SPTLC2: variants seen among roughly 807,000 people sequenced by gnomAD.
The protein encoded by SPTLC2 is serine palmitoyltransferase 2.
SPTLC2 carries 21 observed loss-of-function variants against 62.0 expected under a neutral mutation model. The ratio of observed to expected loss-of-function variants is 0.34; its 90% CI spans 0.24 to 0.49. SPTLC2 has a LOEUF of 0.49. Ranked by LOEUF, SPTLC2 falls within the 20% of genes least tolerant of loss-of-function variation. SPTLC2 has a pLI of 0.99. For synonymous variants in SPTLC2, 261 were observed against 261.8 expected (o/e 1.00, Z 0.03); for missense variants, 511 against 713.0 (o/e 0.72, Z 3.23).
intron 11 of SPTLC2, among the ~76,000 whole-genome samples, chr14:77,513,713 T>C (rs1222341928): frequency 6.6e-6 from 1 of 151,814 alleles, no homozygotes; most frequent in Non-Finnish European, 1.5e-5. Flanking sequence ...CTGACCAACA[T>C]GGAGAAACCC....
chr14:77,539,349 C>G (rs755822044), intron 9 of SPTLC2, among the ~76,000 whole-genome samples: 1 of 151,750 alleles, frequency 6.6e-6, no homozygotes, highest in South Asian at 2.1e-4. Context: ...AAGGCCCACT[C>G]AGACACCAAA....
In SPTLC2 at chr14:77,555,169, GGTATTATGA is replaced by G. The variant is rs536972509; in HGVS notation, c.1176+122_1176+130del. 247 of 914,772 alleles carry G rather than the reference GGTATTATGA, an allele frequency of 2.7e-4. No individual in the cohort carries two copies. In the African/African-American group the frequency reaches 3.6e-3, roughly 13 times the overall value. The allele number at this position is 914,772 out of a possible 1,614,324, so 56.7% of individuals were successfully genotyped here. The stretch of plus-strand genomic sequence containing the variant: ...TGAGGAGACATTAGAGTCACTCACT[GGTATTATGA>G]GCCTAAACCAGAGGCAAATTTGCGG... On this transcript the variant is annotated intron_variant, in intron 8 of 11. Transcript: ENST00000216484.
chr14:77,542,054 C>A (rs1336573149), intron 9 of SPTLC2, among the ~76,000 whole-genome samples: 2 of 138,654 alleles, frequency 1.4e-5, no homozygotes, highest in African/African-American at 5.7e-5. Context: ...GAGACAGACT[C>A]TGTGTCCGGA....
At chr14:77,612,110 C>A (rs1228466329) in intron 1 of SPTLC2, among the ~76,000 whole-genome samples, 2 of 152,136 alleles carry the variant, frequency 1.3e-5, no homozygotes, top group Non-Finnish European at 2.9e-5. Flanking sequence ...TTTGAGTCCA[C>A]AAACCATTTA....
rs2079318801 is a variant in SPTLC2, at chr14:77,508,893, T to A, written c.*3391A>T. 1 of 152,184 alleles carries A rather than the reference T, an allele frequency of 6.6e-6. No homozygotes were observed. The highest frequency in any genetic ancestry group is 2.4e-5 in the African/African-American group (1 of 41,442). The allele number at this position is 152,184 out of a possible 1,614,324, so 9.4% of individuals were successfully genotyped here. On this transcript the variant is annotated 3_prime_UTR_variant, in exon 12 of 12. Transcript: ENST00000216484. ...AAGCCCAGCACCACCATATATTGGT[T>A]TTCTCTAGAGTTGGAATTTTAAAAA...
chr14:77,549,237 A>AAC (rs2079544124), intron 9 of SPTLC2, among the ~76,000 whole-genome samples: 2 of 151,662 alleles, frequency 1.3e-5, no homozygotes, highest in South Asian at 4.2e-4. Flanking sequence ...CAAAAAAAAA[A>AAC]AAACCAGCCA....
intron 2 of SPTLC2, among the ~76,000 whole-genome samples, chr14:77,592,745 CT>C (rs747093694): frequency 2.0e-4 from 30 of 152,118 alleles, no homozygotes; most frequent in Non-Finnish European, 3.5e-4. Context: ...AATCCTCTCC[CT>C]CTTCCTACCC....
At chr14:77,552,872 T>G (rs2079563184) in intron 8 of SPTLC2, among the ~76,000 whole-genome samples, 2 of 151,940 alleles carry the variant, frequency 1.3e-5, no homozygotes, top group African/African-American at 4.8e-5. Flanking sequence ...GTGTTTGGAT[T>G]GCTTTTTAGA....
chr14:77,570,235 A>AG (rs1258810476), intron 5 of SPTLC2, 149 bp downstream of exon 5: 3 of 1,156,448 alleles, frequency 2.6e-6, no homozygotes, highest in Admixed American at 2.4e-5. Flanking sequence ...AAAAAAAAAA[A>AG]AAAAAGAAAA....
At chr14:77,613,864 T>TA (rs1355119801) in intron 1 of SPTLC2, among the ~76,000 whole-genome samples, 3 of 152,180 alleles carry the variant, frequency 2.0e-5, no homozygotes, top group Non-Finnish European at 4.4e-5. Flanking sequence ...AAACAACTTT[T>TA]AAAAAATGTT....
At chr14:77,597,161 G>A (rs1401742109) in intron 2 of SPTLC2, 25 bp downstream of exon 2, 3 of 1,609,700 alleles carry the variant, frequency 1.9e-6, no homozygotes, top group South Asian at 1.1e-5. Flanking sequence ...TCTATTTACA[G>A]AATCAAAAAC....
At chr14:77,548,523 TAA>T (rs1246790311) in intron 9 of SPTLC2, among the ~76,000 whole-genome samples, 2 of 152,224 alleles carry the variant, frequency 1.3e-5, no homozygotes, top group Non-Finnish European at 2.9e-5. Context: ...ATGTGTAAAG[TAA>T]AAGTTAGAAT....
chr14:77,585,817 G>A (rs1179738617), intron 2 of SPTLC2, among the ~76,000 whole-genome samples: 1 of 152,154 alleles, frequency 6.6e-6, no homozygotes, highest in Admixed American at 6.5e-5. Flanking sequence ...ACTTTTAAAT[G>A]CCATACTTAT....
intron 2 of SPTLC2, among the ~76,000 whole-genome samples, chr14:77,583,391 C>T (rs10135955): frequency 0.39 from 58,657 of 151,782 alleles, 11,494 homozygotes; most frequent in Non-Finnish European, 0.42. Context: ...ACTTTAAACA[C>T]TCTAAGACCA....
rs1459828742 is a variant in SPTLC2 at position 77,541,989 on chromosome 14, G to A, written c.1303+10107C>T. On this transcript the variant is annotated intron_variant, in intron 9 of 11. Transcript: ENST00000216484. ...TGAGAATGGTTTGAACCTGGGAAGC[G>A]GAGGTTGCAGTGAGCCAAGATTGTG... Among the ~76,000 whole-genome samples, 9 of 151,818 alleles carry A rather than the reference G, an allele frequency of 5.9e-5. No homozygotes were observed. In the East Asian group the frequency reaches 9.7e-4, roughly 16 times the overall value.
intron 9 of SPTLC2, among the ~76,000 whole-genome samples, chr14:77,541,479 ACT>A (rs112683589): frequency 0.028 from 4,310 of 152,240 alleles, 220 homozygotes; most frequent in African/African-American, 0.098. Flanking sequence ...AAATGCAAGG[ACT>A]CTGTGCACAC....
intron 11 of SPTLC2, among the ~76,000 whole-genome samples, chr14:77,512,682 A>G (rs184809831): frequency 1.3e-5 from 2 of 152,236 alleles, no homozygotes; most frequent in Admixed American, 1.3e-4. Flanking sequence ...AGTTATATGC[A>G]CTCTGAACTT....
chr14:77,510,748 A>T lies in SPTLC2; in HGVS notation c.*1536T>A, dbSNP rs2139988062. 1 of 152,460 alleles carries T rather than the reference A, an allele frequency of 6.6e-6. No individual in the cohort carries two copies. The allele number at this position is 152,460 out of a possible 1,614,324, so 9.4% of individuals were successfully genotyped here. A position where few individuals can be genotyped will look rare whatever the true frequency, so the allele number is the denominator to read the frequency against. On this transcript the variant is annotated 3_prime_UTR_variant, in exon 12 of 12. Coordinates refer to ENST00000216484, the MANE Select transcript of SPTLC2 (RefSeq NM_004863.4). ...CTCAGCCTCCCAAAGTGCTAGGATT[A>T]CAGGTGTGAGCCACCGCACTCGGCC...
At chr14:77,544,172 A>T (rs1410138838) in intron 9 of SPTLC2, among the ~76,000 whole-genome samples, 1 of 152,036 alleles carries the variant, frequency 6.6e-6, no homozygotes, top group South Asian at 2.1e-4. Context: ...ACACTTGGCT[A>T]ATTTTTAGAA....
Sources: gnomAD v4.1 joint callset for allele counts (sites outside exome capture counted in the v4.1 genomes callset) on GRCh38, gnomAD v4.1.1 for gene constraint, MANE v1.5 for transcripts, NCBI Gene and HGNC (gene_info 2026-07-23, HGNC 2026-07-21) for gene names.